The following PDE4D variants were observed in gnomAD, a reference collection of about 807,000 sequenced individuals.
The protein encoded by PDE4D is 3',5'-cyclic-AMP phosphodiesterase 4D.
In PDE4D, 24 loss-of-function variants were observed where a neutral mutation model predicts 87.4. The observed-to-expected ratio is 0.27, with a 90% CI of 0.20 to 0.39. PDE4D has a LOEUF of 0.39. PDE4D is among the 10% of genes least tolerant of loss of function. The pLI is 1.00. For synonymous variants in PDE4D, 384 were observed against 383.2 expected (o/e 1.00, Z -0.02); for missense variants, 714 against 1,041.0 (o/e 0.69, Z 4.32).
chr5:59,397,819 T>A (rs1249106688), intron 1 of PDE4D, among the ~76,000 whole-genome samples: 1 of 119,926 alleles, frequency 8.3e-6, no homozygotes, highest in African/African-American at 3.4e-5. Context: ...ATCAACAAAA[T>A]TGATAGACCG....
At chr5:59,071,806 C>G (rs1430608109) in intron 5 of PDE4D, among the ~76,000 whole-genome samples, 1 of 149,554 alleles carries the variant, frequency 6.7e-6, no homozygotes, top group Non-Finnish European at 1.5e-5. Flanking sequence ...CCTGCCTCAG[C>G]CTCCTGAGTA....
At chr5:60,158,484 T>C (rs1782184154) in intron 2 of PDE4D, among the ~76,000 whole-genome samples, 1 of 152,218 alleles carries the variant, frequency 6.6e-6, no homozygotes, top group Non-Finnish European at 1.5e-5. Context: ...GAGTGAGTGG[T>C]GAGTATGCCT....
At chr5:59,552,338 A>C (rs1818260413) in intron 1 of PDE4D, among the ~76,000 whole-genome samples, 1 of 152,164 alleles carries the variant, frequency 6.6e-6, no homozygotes, top group African/African-American at 2.4e-5. Flanking sequence ...TTACTGAATC[A>C]TTTCTAATAA....
At chr5:60,426,689 AT>A (rs1424477688) in intron 1 of PDE4D, among the ~76,000 whole-genome samples, 1 of 152,212 alleles carries the variant, frequency 6.6e-6, no homozygotes, top group Non-Finnish European at 1.5e-5. Context: ...ATTTAAAAAA[AT>A]GAAAATATGA....
chr5:59,001,937 C>T (rs1246337754), intron 6 of PDE4D: 1 of 391,998 alleles, frequency 2.6e-6, no homozygotes, highest in African/African-American at 2.1e-5. Context: ...TAATATAAAC[C>T]ATCTAGCTGA....
At chr5:59,969,714 G>T (rs1368625633) in intron 3 of PDE4D, among the ~76,000 whole-genome samples, 2 of 152,136 alleles carry the variant, frequency 1.3e-5, no homozygotes, top group Non-Finnish European at 2.9e-5. Flanking sequence ...GTTCTCATGA[G>T]AGCTGATGGT....
At chr5:59,628,952 C>T (rs1306667550) in intron 1 of PDE4D, among the ~76,000 whole-genome samples, 1 of 152,168 alleles carries the variant, frequency 6.6e-6, no homozygotes, top group East Asian at 1.9e-4. Flanking sequence ...ACATGTCCTT[C>T]TTCACATAGC....
chr5:60,063,870 C>CA (rs1354940268), intron 2 of PDE4D, among the ~76,000 whole-genome samples: 1 of 151,956 alleles, frequency 6.6e-6, no homozygotes, highest in East Asian at 1.9e-4. Context: ...CTTTGAGGAG[C>CA]ATGGATTTTG....
chr5:59,275,933 C>G, intron 1 of PDE4D: 1 of 985,238 alleles, frequency 1.0e-6, no homozygotes, highest in Non-Finnish European at 1.2e-6. Context: ...AGCCAAGGAA[C>G]AAATCTCTCC....
intron 1 of PDE4D, among the ~76,000 whole-genome samples, chr5:59,766,702 G>A (rs896066687): frequency 6.6e-6 from 1 of 152,246 alleles, no homozygotes; most frequent in African/African-American, 2.4e-5. Flanking sequence ...TCTGGCACCC[G>A]ATGCCTGGCC....
At chr5:60,197,070 T>TAGATAGACAGACAGAC (rs1316937670) in intron 1 of PDE4D, among the ~76,000 whole-genome samples, 1 of 122,920 alleles carries the variant, frequency 8.1e-6, no homozygotes, top group African/African-American at 3.1e-5. Context: ...GATAGATAGA[T>TAGATAGACAGACAGAC]AGACAGTTAG....
intron 1 of PDE4D, among the ~76,000 whole-genome samples, chr5:59,331,166 A>T (rs1187057586): frequency 6.6e-6 from 1 of 152,238 alleles, no homozygotes. Context: ...ATTTCTTAAA[A>T]TACAAATAAT....
intron 1 of PDE4D, among the ~76,000 whole-genome samples, chr5:59,872,827 GA>G (rs927280119): frequency 1.3e-5 from 2 of 151,856 alleles, no homozygotes; most frequent in East Asian, 3.9e-4. Flanking sequence ...TGATCAGTAG[GA>G]AAAAAAACTC....
At chr5:59,912,811 A>G (rs949690023) in intron 3 of PDE4D, among the ~76,000 whole-genome samples, 1 of 152,228 alleles carries the variant, frequency 6.6e-6, no homozygotes, top group Non-Finnish European at 1.5e-5. Flanking sequence ...TTAATGTACC[A>G]TGATGAACAA....
intron 1 of PDE4D, among the ~76,000 whole-genome samples, chr5:59,247,906 A>G (rs1581593304): frequency 6.6e-6 from 1 of 151,544 alleles, no homozygotes; most frequent in Non-Finnish European, 1.5e-5. Context: ...ACTCCAGTCC[A>G]CCTGGCCTTC....
chr5:59,260,628 T>C (rs1761826892), intron 1 of PDE4D, among the ~76,000 whole-genome samples: 1 of 151,784 alleles, frequency 6.6e-6, no homozygotes, highest in Non-Finnish European at 1.5e-5. Flanking sequence ...CATGGGAAAT[T>C]TGAAAGATAA....
chr5:60,325,270 A>G (rs1048626607), intron 1 of PDE4D, among the ~76,000 whole-genome samples: 1 of 152,208 alleles, frequency 6.6e-6, no homozygotes, highest in African/African-American at 2.4e-5. Context: ...AAAAGCAATT[A>G]TAGGGGGAAA....
intron 1 of PDE4D, among the ~76,000 whole-genome samples, chr5:60,449,646 TAATAAATAAAATAAAA>T (rs1233957601): frequency 1.2e-4 from 18 of 148,534 alleles, no homozygotes; most frequent in East Asian, 5.8e-4. Flanking sequence ...AGTATAATAA[TAATAAATAAAATAAAA>T]AATAAATAAA....
chr5:59,449,701 G>A (rs1798859449), intron 1 of PDE4D, among the ~76,000 whole-genome samples: 1 of 152,046 alleles, frequency 6.6e-6, no homozygotes, highest in South Asian at 2.1e-4. Flanking sequence ...GTTAAATTAT[G>A]TAGGTTTTCT....
Sources: allele counts gnomAD v4.1 joint callset (sites outside exome capture counted in the v4.1 genomes callset), GRCh38; gene constraint gnomAD v4.1.1; transcripts MANE v1.5; gene names NCBI Gene and HGNC (gene_info 2026-07-23, HGNC 2026-07-21).